The following PRMT3 variants were observed in gnomAD, a reference collection of about 807,000 sequenced individuals.
The protein encoded by PRMT3 is protein arginine methyltransferase 3.
Under a neutral mutation model 71.9 loss-of-function variants are expected in PRMT3, and 62 were observed. The ratio of observed to expected loss-of-function variants is 0.86; its 90% CI spans 0.70 to 1.07. The LOEUF is 1.07. Ranked by LOEUF, PRMT3 falls within the 50% of genes least tolerant of loss-of-function variation. PRMT3 has a pLI of 0.00. For synonymous variants in PRMT3, 213 were observed against 220.4 expected (o/e 0.97, Z 0.30); for missense variants, 663 against 643.0 (o/e 1.03, Z -0.34).
intron 11 of PRMT3, among the ~76,000 whole-genome samples, chr11:20,454,592 G>C (rs2133390601): frequency 6.6e-6 from 1 of 152,278 alleles, no homozygotes; most frequent in Middle Eastern, 3.4e-3. Flanking sequence ...GTTCAGAAAA[G>C]AGTAACAAAA....
intron 10 of PRMT3, among the ~76,000 whole-genome samples, chr11:20,440,713 A>G (rs1289187048): frequency 1.3e-5 from 2 of 152,102 alleles, no homozygotes; most frequent in Non-Finnish European, 2.9e-5. Context: ...TGAATTTTAC[A>G]AAGAAAAAAT....
chr11:20,497,230 A>C (rs1288018052), intron 15 of PRMT3, among the ~76,000 whole-genome samples: 2 of 152,168 alleles, frequency 1.3e-5, no homozygotes, highest in African/African-American at 2.4e-5. Flanking sequence ...AATCCTAACT[A>C]TTCTTTACCC....
chr11:20,400,482 C>T (rs1253666981), intron 7 of PRMT3, among the ~76,000 whole-genome samples: 1 of 152,050 alleles, frequency 6.6e-6, no homozygotes, highest in African/African-American at 2.4e-5. Context: ...ACTATAAATC[C>T]GAAATGCATC....
chr11:20,501,066 G>A (rs1360976506), intron 15 of PRMT3, among the ~76,000 whole-genome samples: 1 of 152,116 alleles, frequency 6.6e-6, no homozygotes, highest in Non-Finnish European at 1.5e-5. Flanking sequence ...TGTCCAAGAT[G>A]TTTTTCTACC....
intron 13 of PRMT3, among the ~76,000 whole-genome samples, chr11:20,469,668 A>G (rs1360728453): frequency 1.3e-5 from 2 of 152,190 alleles, no homozygotes; most frequent in Non-Finnish European, 2.9e-5. Flanking sequence ...ATCCAAAAGC[A>G]TTTCCTTTGA....
chr11:20,468,696 T>G (rs1047263204), intron 13 of PRMT3, among the ~76,000 whole-genome samples: 2 of 152,208 alleles, frequency 1.3e-5, no homozygotes, highest in African/African-American at 4.8e-5. Flanking sequence ...TTAATGAGAT[T>G]CTAAATTTGT....
Position 20,387,959 on chromosome 11 carries a change from T to C in PRMT3, c.29-60T>C. 1 of 1,608,952 alleles carries C rather than the reference T, an allele frequency of 6.2e-7. No individual in the cohort carries two copies. Among genetic ancestry groups the C allele is most frequent in the Non-Finnish European group, 8.5e-7 (1 of 1,177,368 alleles). ...AGGAGAGCCCATCGTCACCTGCTCC[T>C]CGAGCCCCCGGGCCGCACCGGTGTC... On this transcript the variant is annotated intron_variant, in intron 1 of 15. Transcript: ENST00000331079. The surrounding 1 kb of genome is among the most constrained non-coding windows in gnomAD (Gnocchi z 4.3).
intron 11 of PRMT3, among the ~76,000 whole-genome samples, chr11:20,460,562 CCTTTA>C (rs1850361210): frequency 6.6e-6 from 1 of 152,136 alleles, no homozygotes; most frequent in South Asian, 2.1e-4. Context: ...TCATGAACTC[CCTTTA>C]CTTATCTTTC....
chr11:20,459,506 G>A (rs2133397433), intron 11 of PRMT3, among the ~76,000 whole-genome samples: 1 of 152,198 alleles, frequency 6.6e-6, no homozygotes, highest in South Asian at 2.1e-4. Flanking sequence ...TTTATATATT[G>A]TCCATGCTGC....
intron 10 of PRMT3, among the ~76,000 whole-genome samples, chr11:20,441,975 T>C (rs983853251): frequency 6.6e-6 from 1 of 152,176 alleles, no homozygotes; most frequent in African/African-American, 2.4e-5. Flanking sequence ...GTATTTTTAG[T>C]AGAGACGGGG....
At chr11:20,452,080 T>A in intron 10 of PRMT3, 50 bp from the exon 11 acceptor site, 2 of 1,336,810 alleles carry the variant, frequency 1.5e-6, no homozygotes, top group Middle Eastern at 2.4e-4. Flanking sequence ...GACCTGCTTA[T>A]GAGAGTATTG....
chr11:20,500,634 A>G (rs1418094375), intron 15 of PRMT3, among the ~76,000 whole-genome samples: 1 of 152,192 alleles, frequency 6.6e-6, no homozygotes, highest in Non-Finnish European at 1.5e-5. Flanking sequence ...ATTAATGGGG[A>G]AAGGGTGATC....
chr11:20,448,272 C>T (rs1034300594), intron 10 of PRMT3, among the ~76,000 whole-genome samples: 2 of 151,956 alleles, frequency 1.3e-5, no homozygotes, highest in Admixed American at 1.3e-4. Flanking sequence ...TGCTGGCAAA[C>T]GAATCTGTAT....
chr11:20,481,639 C>T (rs1171543863), intron 13 of PRMT3, among the ~76,000 whole-genome samples: 2 of 152,068 alleles, frequency 1.3e-5, no homozygotes, highest in African/African-American at 4.8e-5. Flanking sequence ...TCCCATATGA[C>T]TTATCCTCTG....
intron 10 of PRMT3, among the ~76,000 whole-genome samples, chr11:20,449,600 G>T (rs528526834): frequency 2.6e-5 from 4 of 152,138 alleles, no homozygotes; most frequent in Admixed American, 1.3e-4. Context: ...AACAATAAAT[G>T]GTGCTTTGGG....
intron 9 of PRMT3, among the ~76,000 whole-genome samples, chr11:20,418,028 A>T (rs374632476): frequency 6.6e-6 from 1 of 152,206 alleles, no homozygotes; most frequent in East Asian, 1.9e-4. Context: ...ATAATTAATC[A>T]TGATGATGTC....
chr11:20,460,877 T>G (rs7125358), intron 11 of PRMT3, among the ~76,000 whole-genome samples: 125,831 of 151,974 alleles, frequency 0.83, 53,729 homozygotes, highest in Non-Finnish European at 0.95. Context: ...TCTCATCCTT[T>G]CCATTCCCAC....
At chr11:20,406,934 G>A (rs922257254) in intron 8 of PRMT3, 1 of 152,034 alleles carries the variant, frequency 6.6e-6, no homozygotes, top group African/African-American at 2.4e-5. Flanking sequence ...TTAATAGTTC[G>A]TATATCCAAT....
At chr11:20,483,751 G>A (rs1024393489) in intron 13 of PRMT3, among the ~76,000 whole-genome samples, 9 of 152,104 alleles carry the variant, frequency 5.9e-5, no homozygotes, top group African/African-American at 2.2e-4. Flanking sequence ...TAATAGAATA[G>A]CAGAGGCATA....
Sources: gnomAD v4.1 joint callset for allele counts (sites outside exome capture counted in the v4.1 genomes callset) on GRCh38, gnomAD v4.1.1 for gene constraint, Gnocchi (gnomAD v3.1) non-coding constraint, MANE v1.5 for transcripts, NCBI Gene and HGNC (gene_info 2026-07-23, HGNC 2026-07-21) for gene names.